The following DNAH3 variants were observed in gnomAD, a reference collection of about 807,000 sequenced individuals.
DNAH3 encodes axonemal beta dynein heavy chain 3.
In DNAH3, 332 loss-of-function variants were observed where a neutral mutation model predicts 432.5. The observed-to-expected ratio is 0.77, with a 90% CI of 0.70 to 0.84. The LOEUF (loss-of-function observed/expected upper bound fraction) is 0.84, where lower values mean the gene tolerates loss of function less well. Among genes scored for constraint, DNAH3 ranks in the 40% least tolerant of loss-of-function variants. The pLI is 0.00. For missense variants in DNAH3, 4,861 were observed against 5,114.0 expected, an observed-to-expected ratio of 0.95 and a Z score of 1.51; for synonymous variants, 1,956 against 1,900.2, an observed-to-expected ratio of 1.03 and a Z score of -0.76.
chr16:20,969,750 A>G lies in DNAH3; in HGVS notation c.8458+42T>C, dbSNP rs768826681. 3.7e-6 allele frequency: 6 copies of G among 1,609,126 alleles called. No individual in the cohort carries two copies. The South Asian group carries it at 4.4e-5, about 12-fold the overall frequency. On this transcript the variant is annotated intron_variant, in intron 52 of 61. Coordinates refer to ENST00000261383, the Ensembl canonical transcript of DNAH3. ...TGGGTGCTGGCACCCCACTGCCAGGAAAGAGCAGCCTGTGCAGGCATCTGG... is the reference window on the plus strand; with the variant it reads ...TGGGTGCTGGCACCCCACTGCCAGGGAAGAGCAGCCTGTGCAGGCATCTGG...
At chr16:21,034,135 C>T (rs533614373) in intron 35 of DNAH3, 50 bp from the exon 36 acceptor site, 1 of 1,248,132 alleles carries the variant, frequency 8.0e-7, no homozygotes, top group Non-Finnish European at 1.2e-6. Context: ...CAACGCTCCC[C>T]CATTGTGAGT....
intron 17 of DNAH3, among the ~76,000 whole-genome samples, chr16:21,098,272 T>C (rs2091740743): frequency 6.6e-6 from 1 of 151,770 alleles, no homozygotes; most frequent in East Asian, 1.9e-4. Flanking sequence ...CAAAACTCTC[T>C]ATTAAAAATA....
rs374398904 is a variant in DNAH3 at position 21,103,358 on chromosome 16, G to GC, written c.2366+1112_2366+1113insG. Among the ~76,000 whole-genome samples the GC allele has an allele frequency of 2.0e-3, 305 of 150,332 alleles. 1 individual carries two copies. The highest frequency in any genetic ancestry group is 7.2e-3 in the African/African-American group (296 of 40,898). ...AGGGTGTAGAGGGTGTGTGTGTGGGGGGGGGCAGGGTGGGGGAGTTGGGAG... is the reference window on the plus strand; with the variant it reads ...AGGGTGTAGAGGGTGTGTGTGTGGGGCGGGGGCAGGGTGGGGGAGTTGGGAG... On this transcript the variant is annotated intron_variant, in intron 16 of 61. Coordinates refer to ENST00000261383, the Ensembl canonical transcript of DNAH3.
At chr16:20,947,695 G>A (rs1344846012) in intron 57 of DNAH3, among the ~76,000 whole-genome samples, 1 of 152,208 alleles carries the variant, frequency 6.6e-6, no homozygotes, top group Non-Finnish European at 1.5e-5. Context: ...GGTGGTGGTG[G>A]TTGTGGTGAG....
chr16:20,971,173 T>A (rs1013135108), intron 51 of DNAH3, among the ~76,000 whole-genome samples: 2 of 152,196 alleles, frequency 1.3e-5, no homozygotes, highest in South Asian at 2.1e-4. Context: ...CAGCCGTACT[T>A]CTGAGTTTCT....
At position 21,100,230 on chromosome 16, in the gene DNAH3, C is replaced by T. The variant is rs536678954; in HGVS notation, c.2367-1461G>A. ...GAGATTATAGGTGCCCGCCACCATGCCCAGCTAATTTTTGTATTTTTCATA... is the reference window on the plus strand; with the variant it reads ...GAGATTATAGGTGCCCGCCACCATGTCCAGCTAATTTTTGTATTTTTCATA... On this transcript the variant is annotated intron_variant, in intron 16 of 61. Transcript: ENST00000261383. Among the ~76,000 whole-genome samples, 4 of 152,254 alleles carry T rather than the reference C, an allele frequency of 2.6e-5. No individual in the cohort carries two copies. In the East Asian group the frequency reaches 7.7e-4, roughly 29 times the overall value.
chr16:21,024,824 C>CCCAGGGGA, intron 38 of DNAH3, 123 bp from the exon 39 acceptor site: 2 of 770,352 alleles, frequency 2.6e-6, no homozygotes, highest in Non-Finnish European at 4.5e-6. Flanking sequence ...TTGACAATAA[C>CCCAGGGGA]CTAGTCCCCT....
chr16:21,142,152 G>A (rs561304754), intron 3 of DNAH3, among the ~76,000 whole-genome samples: 1 of 152,162 alleles, frequency 6.6e-6, no homozygotes, highest in East Asian at 1.9e-4. Context: ...AGATCACGAG[G>A]TCAGGAGTTG....
intron 43 of DNAH3, among the ~76,000 whole-genome samples, chr16:20,998,769 G>GA (rs375037250): frequency 1.3e-3 from 185 of 146,686 alleles, no homozygotes; most frequent in African/African-American, 4.6e-3. Context: ...AAAAAGGGGG[G>GA]GGCTCCTTTA....
At chr16:20,953,316 G>A (rs11866459) in intron 55 of DNAH3, among the ~76,000 whole-genome samples, 3,851 of 151,910 alleles carry the variant, frequency 0.025, 182 homozygotes, top group African/African-American at 0.088. Context: ...GTGCCACCAC[G>A]CCCAGCTAGT....
At position 21,097,344 on chromosome 16, in the gene DNAH3, T is replaced by C. The variant is rs753166511; in HGVS notation, c.2665+11A>G. The stretch of plus-strand genomic sequence containing the variant: ...CCCCATCTGTCCCAGCAGAGTGAGA[T>C]CACCACATACCATTCATCCATTCCT... On this transcript the variant is annotated intron_variant, in intron 18 of 61. Coordinates refer to ENST00000261383, the Ensembl canonical transcript of DNAH3. The C allele has an allele frequency of 6.2e-7, 1 of 1,613,232 alleles. No individual in the cohort carries two copies. Among genetic ancestry groups the C allele is most frequent in the Non-Finnish European group, 8.5e-7 (1 of 1,179,874 alleles).
exon 17 of DNAH3, chr16:21,098,642 G>A (rs1430389585): frequency 6.2e-7 from 1 of 1,613,192 alleles, no homozygotes; most frequent in South Asian, 1.1e-5. Flanking sequence ...GCCCGATTTA[G>A]GTTCTTTGAA....
chr16:21,024,580 G>C lies in DNAH3; in HGVS notation c.5646+16C>G, dbSNP rs374392967. 121 of 1,587,670 alleles carry C rather than the reference G, an allele frequency of 7.6e-5. No homozygotes were observed. The highest frequency in any genetic ancestry group is 1.0e-4 in the Non-Finnish European group (117 of 1,164,190). On this transcript the variant is annotated intron_variant, in intron 39 of 61. Transcript: ENST00000261383. The stretch of plus-strand genomic sequence containing the variant: ...GGAGACAGCAGGAGGGGAAGGAAAG[G>C]GTCTGAGGGGCTCACCAATTCTTTG...
chr16:21,112,123 C>T (rs751545101), intron 12 of DNAH3, 25 bp from the exon 13 acceptor site: 1 of 1,485,496 alleles, frequency 6.7e-7, no homozygotes, highest in Non-Finnish European at 9.3e-7. Flanking sequence ...GGTGTGAAAT[C>T]AAACACACAA....
intron 60 of DNAH3, among the ~76,000 whole-genome samples, chr16:20,935,741 GC>G (rs1464502154): frequency 1.3e-5 from 2 of 151,992 alleles, no homozygotes; most frequent in East Asian, 3.9e-4. Flanking sequence ...TGCTTGGGAA[GC>G]TGAGGCAGGA....
chr16:21,140,517 G>T lies in DNAH3; in HGVS notation c.696+19C>A, dbSNP rs199500038. ...GTAACCCTCAGCAAACCGAGGGAAA[G>T]GGGGCAACAGGAACGTACCTCCAGG... On this transcript the variant is annotated intron_variant, in intron 5 of 61. Transcript: ENST00000261383. 1,898 of 1,607,370 alleles carry T rather than the reference G, an allele frequency of 1.2e-3. 3 individuals carry two copies. The highest frequency in any genetic ancestry group is 1.2e-3 in the Middle Eastern group (7 of 5,976).
chr16:20,977,186 G>A (rs1320417505), intron 50 of DNAH3, among the ~76,000 whole-genome samples: 1 of 152,086 alleles, frequency 6.6e-6, no homozygotes, highest in Non-Finnish European at 1.5e-5. Flanking sequence ...TGACCAGCCT[G>A]ACCAACATGG....
At chr16:21,116,264 CA>C (rs1178929780) in intron 12 of DNAH3, among the ~76,000 whole-genome samples, 1 of 151,770 alleles carries the variant, frequency 6.6e-6, no homozygotes, top group Non-Finnish European at 1.5e-5. Context: ...TGTCCCCACC[CA>C]AATTTCATCT....
At chr16:20,938,061 G>A (rs2083661049) in intron 59 of DNAH3, among the ~76,000 whole-genome samples, 1 of 152,188 alleles carries the variant, frequency 6.6e-6, no homozygotes, top group Non-Finnish European at 1.5e-5. Flanking sequence ...CATGCAGGAA[G>A]AGGATTTCTG....
Sources: allele counts gnomAD v4.1 joint callset (sites outside exome capture counted in the v4.1 genomes callset), GRCh38; gene constraint gnomAD v4.1.1; transcripts MANE v1.5; gene names NCBI Gene and HGNC (gene_info 2026-07-23, HGNC 2026-07-21).